The following GRID2 variants were observed in gnomAD, a reference collection of about 807,000 sequenced individuals.
GRID2 encodes the protein glutamate receptor ionotropic, delta-2.
A neutral mutation model predicts 114.8 loss-of-function variants in GRID2; 33 were observed. The observed-to-expected ratio is 0.29, with a 90% CI of 0.22 to 0.38. The LOEUF (loss-of-function observed/expected upper bound fraction) is 0.38. GRID2 is among the 10% of genes least tolerant of loss of function. The probability of loss-of-function intolerance (pLI) is 1.00; values close to 1 mark genes in which losing one functional copy is unlikely to be tolerated. For missense variants in GRID2, 1,184 were observed against 1,257.7 expected, an observed-to-expected ratio of 0.94 and a Z score of 0.89; for synonymous variants, 505 against 449.9, an observed-to-expected ratio of 1.12 and a Z score of -1.55.
At chr4:92,781,563 C>A (rs976179169) in intron 2 of GRID2, among the ~76,000 whole-genome samples, 1 of 151,846 alleles carries the variant, frequency 6.6e-6, no homozygotes, top group Non-Finnish European at 1.5e-5. Flanking sequence ...TTGGAAATTC[C>A]GTGTTATGAT....
intron 1 of GRID2, among the ~76,000 whole-genome samples, chr4:92,501,240 G>T (rs1249455289): frequency 6.6e-6 from 1 of 152,156 alleles, no homozygotes; most frequent in Non-Finnish European, 1.5e-5. Flanking sequence ...GCCAACTATT[G>T]TGTGGCAAGG....
chr4:92,632,008 GT>G (rs1391351055), intron 2 of GRID2, among the ~76,000 whole-genome samples: 1 of 152,088 alleles, frequency 6.6e-6, no homozygotes, highest in Admixed American at 6.6e-5. Flanking sequence ...AAGGTTCTCA[GT>G]TTTTAATAAT....
chr4:92,448,255 AC>A (rs1733574147), intron 1 of GRID2, among the ~76,000 whole-genome samples: 1 of 151,886 alleles, frequency 6.6e-6, no homozygotes, highest in Non-Finnish European at 1.5e-5. Flanking sequence ...GCTCACTGCA[AC>A]CTCTACCTCT....
intron 2 of GRID2, among the ~76,000 whole-genome samples, chr4:92,823,566 A>G (rs1451539327): frequency 6.6e-6 from 1 of 152,118 alleles, no homozygotes; most frequent in African/African-American, 2.4e-5. Flanking sequence ...CTTCTTGTCA[A>G]CTGAATAGTA....
intron 8 of GRID2, among the ~76,000 whole-genome samples, chr4:93,262,902 A>AT (rs916796605): frequency 3.3e-5 from 5 of 151,224 alleles, no homozygotes; most frequent in East Asian, 1.9e-4. Flanking sequence ...TTACTATTAA[A>AT]TTTTTTTTTC....
At chr4:93,411,187 T>C (rs528038732) in intron 9 of GRID2, among the ~76,000 whole-genome samples, 1 of 152,294 alleles carries the variant, frequency 6.6e-6, no homozygotes, top group African/African-American at 2.4e-5. Flanking sequence ...CTAGCTAAAC[T>C]TAACTACATT....
At chr4:93,452,070 C>T (rs72668732) in intron 10 of GRID2, among the ~76,000 whole-genome samples, 2,111 of 150,608 alleles carry the variant, frequency 0.014, 14 homozygotes, top group South Asian at 0.056. Flanking sequence ...CAGTAATGAA[C>T]ACAGATGGAA....
At chr4:93,249,200 C>G (rs1405003876) in intron 8 of GRID2, among the ~76,000 whole-genome samples, 3 of 152,130 alleles carry the variant, frequency 2.0e-5, no homozygotes, top group African/African-American at 7.2e-5. Flanking sequence ...GGTGCTATTT[C>G]TGAGGCCTCT....
intron 13 of GRID2, among the ~76,000 whole-genome samples, chr4:93,577,795 T>C (rs1231369284): frequency 6.6e-6 from 1 of 152,232 alleles, no homozygotes; most frequent in Non-Finnish European, 1.5e-5. Flanking sequence ...CAAGTAGTTT[T>C]GTCAGCTTTC....
intron 2 of GRID2, among the ~76,000 whole-genome samples, chr4:92,655,006 T>C (rs1732157132): frequency 6.6e-6 from 1 of 152,036 alleles, no homozygotes; most frequent in African/African-American, 2.4e-5. Flanking sequence ...CGGTTTCTTA[T>C]AGTAATTTTA....
At chr4:92,576,551 C>T (rs2149198093) in intron 1 of GRID2, among the ~76,000 whole-genome samples, 1 of 152,282 alleles carries the variant, frequency 6.6e-6, no homozygotes, top group Non-Finnish European at 1.5e-5. Context: ...TTCTGCCTTG[C>T]TTGAGCTGCA....
intron 8 of GRID2, among the ~76,000 whole-genome samples, chr4:93,358,697 C>T (rs1761580307): frequency 6.6e-6 from 1 of 151,860 alleles, no homozygotes. Flanking sequence ...CCAAATTCTA[C>T]TTCAGCATCT....
At chr4:93,343,150 G>A (rs1759832891) in intron 8 of GRID2, among the ~76,000 whole-genome samples, 2 of 151,084 alleles carry the variant, frequency 1.3e-5, no homozygotes, top group South Asian at 4.2e-4. Context: ...GACTGTGTGT[G>A]TGTGTGTGTG....
intron 12 of GRID2, among the ~76,000 whole-genome samples, chr4:93,505,039 G>T (rs1156892872): frequency 2.6e-5 from 4 of 152,028 alleles, no homozygotes; most frequent in African/African-American, 9.7e-5. Flanking sequence ...CTATGTACAA[G>T]TAAGGACTCC....
intron 1 of GRID2, among the ~76,000 whole-genome samples, chr4:92,387,462 C>G (rs2110252815): frequency 6.6e-6 from 1 of 152,052 alleles, no homozygotes; most frequent in South Asian, 2.1e-4. Flanking sequence ...TTTTGCTTTC[C>G]AATATGCTCC....
intron 4 of GRID2, among the ~76,000 whole-genome samples, chr4:93,203,635 C>A (rs1011044306): frequency 1.3e-5 from 2 of 152,026 alleles, no homozygotes; most frequent in Admixed American, 6.6e-5. Flanking sequence ...AAGTGCATAG[C>A]TGAAGTTAAT....
At chr4:92,746,072 G>A (rs1178313996) in intron 2 of GRID2, among the ~76,000 whole-genome samples, 3 of 152,044 alleles carry the variant, frequency 2.0e-5, no homozygotes, top group Non-Finnish European at 4.4e-5. Flanking sequence ...TTTAACTCCT[G>A]TAGATCTAGT....
intron 8 of GRID2, among the ~76,000 whole-genome samples, chr4:93,352,654 C>T (rs1003114762): frequency 2.6e-5 from 4 of 151,976 alleles, no homozygotes; most frequent in African/African-American, 9.7e-5. Flanking sequence ...GAAATGACAA[C>T]TAGTTTTATG....
intron 1 of GRID2, among the ~76,000 whole-genome samples, chr4:92,430,973 G>T (rs1306631612): frequency 4.6e-5 from 7 of 152,046 alleles, no homozygotes; most frequent in Non-Finnish European, 7.4e-5. Context: ...CAACTTTACT[G>T]AATTTGTTTA....
Sources: gnomAD v4.1 joint callset for allele counts (sites outside exome capture counted in the v4.1 genomes callset) on GRCh38, gnomAD v4.1.1 for gene constraint, MANE v1.5 for transcripts, NCBI Gene and HGNC (gene_info 2026-07-23, HGNC 2026-07-21) for gene names.